Variants in ERC2 observed in about 807,000 individuals in gnomAD.
ERC2 encodes ERC protein 2.
A neutral mutation model predicts 114.8 loss-of-function variants in ERC2; 42 were observed. The observed-to-expected ratio is 0.37, with a 90% CI of 0.29 to 0.47. The LOEUF is 0.47. Among genes scored for constraint, ERC2 ranks in the 20% least tolerant of loss-of-function variants. The pLI, the probability that ERC2 is intolerant of heterozygous loss-of-function variation, is 0.99. For missense variants in ERC2, 939 were observed against 1,150.7 expected (o/e 0.82, Z 2.66); for synonymous variants, 454 against 425.5 (o/e 1.07, Z -0.82).
intron 12 of ERC2, 63 bp from the exon 13 acceptor site, chr3:55,950,623 T>C: frequency 6.3e-7 from 1 of 1,582,634 alleles, no homozygotes; most frequent in South Asian, 1.1e-5. Context: ...TTATCACAAA[T>C]AGATTCAGGA....
intron 3 of ERC2, among the ~76,000 whole-genome samples, chr3:56,239,741 A>G (rs1417799670): frequency 6.6e-6 from 1 of 152,208 alleles, no homozygotes; most frequent in Admixed American, 6.5e-5. Context: ...AAGTATAGTA[A>G]AAGAAACAGC....
chr3:56,268,937 A>G (rs2053490942), intron 3 of ERC2, among the ~76,000 whole-genome samples: 1 of 152,198 alleles, frequency 6.6e-6, no homozygotes, highest in Non-Finnish European at 1.5e-5. Context: ...TCAAAACATT[A>G]TGTGGTACGC....
intron 3 of ERC2, among the ~76,000 whole-genome samples, chr3:56,290,836 C>T (rs1025352274): frequency 2.0e-4 from 31 of 152,174 alleles, no homozygotes; most frequent in African/African-American, 7.5e-4. Flanking sequence ...CTCCTGTCTG[C>T]CCACCCCCAG....
At chr3:55,820,471 T>C (rs998190557) in intron 14 of ERC2, among the ~76,000 whole-genome samples, 3 of 152,346 alleles carry the variant, frequency 2.0e-5, no homozygotes, top group Middle Eastern at 3.4e-3. Context: ...CGTGAGCTCA[T>C]AAACTTAGTT....
intron 14 of ERC2, among the ~76,000 whole-genome samples, chr3:55,764,794 T>G (rs566112826): frequency 6.6e-6 from 1 of 152,186 alleles, no homozygotes; most frequent in African/African-American, 2.4e-5. Context: ...AGGCTAAATA[T>G]AGAGACATGG....
intron 15 of ERC2, among the ~76,000 whole-genome samples, chr3:55,728,254 G>A (rs190420822): frequency 2.6e-5 from 4 of 152,214 alleles, no homozygotes; most frequent in East Asian, 3.9e-4. Context: ...CAGTCCTTAT[G>A]GAGCTCAAAA....
intron 6 of ERC2, among the ~76,000 whole-genome samples, chr3:56,116,123 C>A (rs1344713776): frequency 3.3e-5 from 5 of 152,206 alleles, no homozygotes; most frequent in Admixed American, 3.3e-4. Context: ...TGTGCCCCTT[C>A]CTCTTGGAAG....
rs375974911 is a variant in ERC2, at chr3:56,253,300, C to T, written c.1074+42719G>A. 1.9e-3 allele frequency among the ~76,000 whole-genome samples: 297 copies of T among 152,342 alleles called. 2 individuals are homozygous for T. The South Asian group carries it at 0.026, about 13-fold the overall frequency. On this transcript the variant is annotated intron_variant, in intron 3 of 17. Transcript: ENST00000288221. Reference sequence around the variant, plus strand: ...TTTTGATGGCTATATGATATTCTATCACTGCCAGATTCCTATTTAGAAAAT... The same window carrying T: ...TTTTGATGGCTATATGATATTCTATTACTGCCAGATTCCTATTTAGAAAAT...
intron 2 of ERC2, among the ~76,000 whole-genome samples, chr3:56,309,881 G>A (rs1052583695): frequency 3.9e-5 from 6 of 152,228 alleles, no homozygotes; most frequent in African/African-American, 1.4e-4. Flanking sequence ...GATTTGGGCA[G>A]GGAAAAGAAA....
chr3:55,569,650 C>T (rs1176379302), intron 17 of ERC2, among the ~76,000 whole-genome samples: 3 of 152,202 alleles, frequency 2.0e-5, no homozygotes, highest in Non-Finnish European at 4.4e-5. Flanking sequence ...AATGTTCAGC[C>T]TGTCACACAC....
chr3:56,203,340 C>T (rs987991299), intron 3 of ERC2, among the ~76,000 whole-genome samples: 3 of 151,700 alleles, frequency 2.0e-5, no homozygotes, highest in African/African-American at 7.3e-5. Flanking sequence ...CCGGATTTTT[C>T]GTCCACTTTT....
At chr3:55,604,469 C>A (rs920793833) in intron 17 of ERC2, among the ~76,000 whole-genome samples, 2 of 152,144 alleles carry the variant, frequency 1.3e-5, no homozygotes, top group African/African-American at 4.8e-5. Flanking sequence ...ATTCTCTCTA[C>A]CCTACTTCCC....
At chr3:55,975,373 C>A (rs1381637043) in intron 12 of ERC2, among the ~76,000 whole-genome samples, 3 of 152,100 alleles carry the variant, frequency 2.0e-5, no homozygotes, top group African/African-American at 7.2e-5. Flanking sequence ...TCCATAGTTT[C>A]TTCCACCATG....
intron 17 of ERC2, among the ~76,000 whole-genome samples, chr3:55,548,197 A>G (rs1191014040): frequency 2.0e-5 from 3 of 152,252 alleles, no homozygotes; most frequent in Admixed American, 2.0e-4. Context: ...AGCTGATGTG[A>G]ATGCCTGTGG....
At chr3:56,349,148 A>G (rs1464136354) in intron 2 of ERC2, among the ~76,000 whole-genome samples, 1 of 152,204 alleles carries the variant, frequency 6.6e-6, no homozygotes, top group Non-Finnish European at 1.5e-5. Flanking sequence ...TTATTTTTTA[A>G]GTAATATTTA....
chr3:55,556,249 G>C (rs1017944118), intron 17 of ERC2, among the ~76,000 whole-genome samples: 6 of 152,182 alleles, frequency 3.9e-5, no homozygotes, highest in Non-Finnish European at 7.3e-5. Flanking sequence ...ATCTAGGCCT[G>C]AGTACCCTTT....
chr3:56,309,699 C>T (rs2056429821), intron 2 of ERC2, among the ~76,000 whole-genome samples: 1 of 152,206 alleles, frequency 6.6e-6, no homozygotes, highest in African/African-American at 2.4e-5. Context: ...CTACAGGGTT[C>T]ATACAAACAC....
intron 12 of ERC2, among the ~76,000 whole-genome samples, chr3:55,974,129 A>G (rs2069394958): frequency 6.6e-6 from 1 of 152,186 alleles, no homozygotes; most frequent in Admixed American, 6.5e-5. Context: ...TAAAAGTTTA[A>G]AGTTTAAAAG....
At chr3:55,820,518 C>G (rs1308749007) in intron 14 of ERC2, among the ~76,000 whole-genome samples, 1 of 152,144 alleles carries the variant, frequency 6.6e-6, no homozygotes, top group Admixed American at 6.5e-5. Flanking sequence ...ACTTACTGAG[C>G]ACTTATGGTG....
Sources: gnomAD v4.1 joint callset for allele counts (sites outside exome capture counted in the v4.1 genomes callset) on GRCh38, gnomAD v4.1.1 for gene constraint, MANE v1.5 for transcripts, NCBI Gene and HGNC (gene_info 2026-07-23, HGNC 2026-07-21) for gene names.